The following CACHD1 variants were observed in gnomAD, a reference collection of about 807,000 sequenced individuals.
CACHD1 encodes the protein cache domain containing 1.
CACHD1 carries 71 observed loss-of-function variants against 138.7 expected under a neutral mutation model. The ratio of observed to expected loss-of-function variants is 0.51; its 90% CI spans 0.42 to 0.62. CACHD1 has a LOEUF of 0.62. Among genes scored for constraint, CACHD1 ranks in the 20% least tolerant of loss-of-function variants. The pLI is 0.00. For synonymous variants in CACHD1, 578 were observed against 591.5 expected, an observed-to-expected ratio of 0.98 and a Z score of 0.33; for missense variants, 1,389 against 1,625.3, an observed-to-expected ratio of 0.85 and a Z score of 2.50.
intron 19 of CACHD1, 116 bp downstream of exon 19, chr1:64,673,580 T>C: frequency 2.4e-6 from 2 of 848,808 alleles, no homozygotes; most frequent in Middle Eastern, 2.3e-4. Context: ...CTTAGAACTA[T>C]AGAATGATAG....
At chr1:64,575,153 CT>C (rs1423462407) in intron 2 of CACHD1, among the ~76,000 whole-genome samples, 5 of 152,202 alleles carry the variant, frequency 3.3e-5, no homozygotes, top group African/African-American at 1.2e-4. Context: ...TGTATATTCA[CT>C]GTGTTTCATT....
At chr1:64,690,364 G>A (rs777216727) in intron 26 of CACHD1, among the ~76,000 whole-genome samples, 8 of 152,114 alleles carry the variant, frequency 5.3e-5, no homozygotes, top group Middle Eastern at 3.2e-3. Context: ...CATTACCCAC[G>A]GGTAAGTGCT....
At chr1:64,660,866 A>T (rs1252596247) in intron 13 of CACHD1, among the ~76,000 whole-genome samples, 1 of 152,182 alleles carries the variant, frequency 6.6e-6, no homozygotes, top group Non-Finnish European at 1.5e-5. Flanking sequence ...AAAATTTTAA[A>T]TTACATCTGT....
intron 2 of CACHD1, among the ~76,000 whole-genome samples, chr1:64,565,168 A>T (rs1320928929): frequency 1.3e-5 from 2 of 151,558 alleles, no homozygotes; most frequent in South Asian, 4.2e-4. Flanking sequence ...GGAATCTGGA[A>T]GGTGGGGTGG....
chr1:64,575,973 ATGT>A (rs1646964007), intron 2 of CACHD1, among the ~76,000 whole-genome samples: 3 of 152,206 alleles, frequency 2.0e-5, no homozygotes. Context: ...AAATTCATTG[ATGT>A]TGTGATGAAA....
At chr1:64,556,845 C>G (rs1646802036) in intron 2 of CACHD1, among the ~76,000 whole-genome samples, 1 of 152,164 alleles carries the variant, frequency 6.6e-6, no homozygotes, top group Admixed American at 6.5e-5. Context: ...TGTGGAACAC[C>G]TCTCATAGAC....
intron 1 of CACHD1, among the ~76,000 whole-genome samples, chr1:64,518,504 T>G (rs1254391932): frequency 2.0e-5 from 3 of 152,146 alleles, no homozygotes; most frequent in African/African-American, 7.2e-5. Context: ...TTTTAGTGCA[T>G]GTACAGGAAT....
At chr1:64,649,641 G>A (rs1369245396) in intron 9 of CACHD1, among the ~76,000 whole-genome samples, 3 of 152,262 alleles carry the variant, frequency 2.0e-5, no homozygotes, top group African/African-American at 7.2e-5. Context: ...ATGACGTAGA[G>A]ATCCAGTTTT....
intron 1 of CACHD1, among the ~76,000 whole-genome samples, chr1:64,537,284 T>C (rs1408616186): frequency 6.6e-6 from 1 of 152,042 alleles, no homozygotes; most frequent in Non-Finnish European, 1.5e-5. Flanking sequence ...AAATTGTTTG[T>C]TGAGCGGTGC....
chr1:64,618,169 A>T (rs534387079), intron 4 of CACHD1, among the ~76,000 whole-genome samples: 1 of 152,294 alleles, frequency 6.6e-6, no homozygotes, highest in South Asian at 2.1e-4. Context: ...TAGCAATAAC[A>T]GTGGATAATA....
intron 1 of CACHD1, among the ~76,000 whole-genome samples, chr1:64,523,444 A>G (rs1336382556): frequency 6.6e-6 from 1 of 152,216 alleles, no homozygotes; most frequent in African/African-American, 2.4e-5. Flanking sequence ...GCTTTGCTTT[A>G]CATAAAAGTG....
At position 64,653,892 on chromosome 1, in the gene CACHD1, G is replaced by A. The variant is rs199703843; in HGVS notation, c.1664+11G>A. 1 of 1,611,300 alleles carries A rather than the reference G, an allele frequency of 6.2e-7. No individual in the cohort carries two copies. On this transcript the variant is annotated intron_variant, in intron 11 of 26. Transcript: ENST00000651257. Reference sequence around the variant, plus strand: ...GCAAAATATCCTAAGGTAAGGAAAAGGTGAGGGTCATAGGATTGTTTTTCC... The same window carrying A: ...GCAAAATATCCTAAGGTAAGGAAAAAGTGAGGGTCATAGGATTGTTTTTCC...
Position 64,634,074 on chromosome 1 carries a change from C to T in CACHD1, c.820C>T (p.Arg274Trp), listed in dbSNP as rs371026074. ...TGTGTTAACTGTGGCAGATACCGTC[C>T]GGACTTGCTCACTAGACCAGTGCTA... ...ISVLTVADTV[R>W]TCSLDQCYKT... Residue 274 changes from arginine to tryptophan, a missense_variant, in exon 7 of 27, where the codon CGG (arginine) becomes TGG (tryptophan). Physicochemically the swap from Arg to Trp is moderately radical, Grantham distance 101 (BLOSUM62 -3). Transcript: ENST00000651257. 8.7e-5 allele frequency: 141 copies of T among 1,612,490 alleles called. 1 individual carries two copies. The highest frequency in any genetic ancestry group is 1.7e-4 in the Admixed American group (10 of 59,864).
At chr1:64,604,971 GTTT>G (rs528557112) in intron 4 of CACHD1, among the ~76,000 whole-genome samples, 2 of 122,974 alleles carry the variant, frequency 1.6e-5, no homozygotes, top group Non-Finnish European at 3.5e-5. Context: ...TTTTTTCTTT[GTTT>G]TTTTTTTTTA....
chr1:64,570,722 C>T (rs182071230), intron 2 of CACHD1, among the ~76,000 whole-genome samples: 1 of 152,170 alleles, frequency 6.6e-6, no homozygotes, highest in East Asian at 1.9e-4. Flanking sequence ...AAAATTGTTG[C>T]GGTTCAGGCA....
At chr1:64,581,301 A>G (rs987632304) in intron 2 of CACHD1, among the ~76,000 whole-genome samples, 10 of 152,320 alleles carry the variant, frequency 6.6e-5, no homozygotes, top group African/African-American at 1.9e-4. Context: ...GTTTTCCTCC[A>G]GTGTGATGAT....
chr1:64,588,957 T>C (rs1357719577), intron 3 of CACHD1, among the ~76,000 whole-genome samples: 1 of 152,208 alleles, frequency 6.6e-6, no homozygotes, highest in African/African-American at 2.4e-5. Flanking sequence ...AGAACTGGCA[T>C]TAAGGCATCT....
rs1650591401 is a variant in CACHD1 at position 64,692,377 on chromosome 1, G to A, written c.*816G>A. 1 of 152,170 alleles carries A rather than the reference G, an allele frequency of 6.6e-6. No homozygotes were observed. Among genetic ancestry groups the A allele is most frequent in the South Asian group, 2.1e-4 (1 of 4,826 alleles). The allele number at this position is 152,170 out of a possible 1,614,324, so 9.4% of individuals were successfully genotyped here. A position where few individuals can be genotyped will look rare whatever the true frequency, so the allele number is the denominator to read the frequency against. ...TTCTTTCTCTGTGTTTGACAGAGAT[G>A]GGGAGGGGCAGAGGAATTTAAGAGG... On this transcript the variant is annotated 3_prime_UTR_variant, in exon 27 of 27. Coordinates refer to ENST00000651257, the MANE Select transcript of CACHD1 (RefSeq NM_020925.4).
chr1:64,549,679 T>C (rs1252875827), intron 1 of CACHD1, among the ~76,000 whole-genome samples: 1 of 152,012 alleles, frequency 6.6e-6, no homozygotes, highest in Non-Finnish European at 1.5e-5. Flanking sequence ...GGCAGCAGGA[T>C]GGAAAGGAAG....
Sources: gnomAD v4.1 joint callset for allele counts (sites outside exome capture counted in the v4.1 genomes callset) on GRCh38, gnomAD v4.1.1 for gene constraint, MANE v1.5 for transcripts, NCBI Gene and HGNC (gene_info 2026-07-23, HGNC 2026-07-21) for gene names.